ZNF526: variants seen among roughly 807,000 people sequenced by gnomAD.
ZNF526 encodes zinc finger protein 526.
In ZNF526, 16 loss-of-function variants were observed where a neutral mutation model predicts 32.4. The observed-to-expected ratio is 0.49, with a 90% CI of 0.33 to 0.75. The LOEUF is 0.75. Among genes scored for constraint, ZNF526 ranks in the 30% least tolerant of loss-of-function variants. The pLI is 0.02. For missense variants in ZNF526, 838 were observed against 920.7 expected (o/e 0.91, Z 1.16); for synonymous variants, 355 against 363.4 (o/e 0.98, Z 0.26).
chr19:42,222,082 CTTTT>C, intron 1 of ZNF526, among the ~76,000 whole-genome samples: 1 of 141,660 alleles, frequency 7.1e-6, no homozygotes, highest in South Asian at 2.3e-4. Context: ...ATATGAGCAA[CTTTT>C]TTTTTTTTTT....
rs199767292 is a variant in ZNF526 at position 42,225,467 on chromosome 19, G to A, written c.1064G>A (p.Arg355His). ...ASLEQHLRLH[R>H]GEARYLCVDC... ...CTTGAGCAGCACTTGCGGCTGCATC[G>A]CGGGGAAGCCCGCTACCTCTGTGTA... Residue 355 changes from arginine (R) to histidine (H), a missense_variant, in exon 3 of 3, where the codon CGC (arginine) becomes CAC (histidine). Arg to His is a conservative substitution (Grantham distance 29). Transcript: ENST00000301215. The A allele has an allele frequency of 8.1e-6, 13 of 1,614,088 alleles. No individual in the cohort carries two copies. The East Asian group carries it at 8.9e-5, about 11-fold the overall frequency.
chr19:42,226,139 G>C lies in ZNF526; in HGVS notation c.1736G>C (p.Gly579Ala), dbSNP rs533430598. The C allele has an allele frequency of 1.2e-6, 2 of 1,606,642 alleles. No individual in the cohort carries two copies. Among genetic ancestry groups the C allele is most frequent in the Admixed American group, 3.3e-5 (2 of 60,032 alleles). Residue 579 changes from glycine to alanine, a missense_variant, in exon 3 of 3, where the codon GGC (glycine) becomes GCC (alanine). Transcript: ENST00000301215. The stretch of plus-strand genomic sequence containing the variant: ...AGTCCCTACTACTGCGGGACTTGTG[G>C]CCGCTGGTTCCGCGCCATGGCGGGC... ...NKSPYYCGTCGRWFRAMAGLR... is the reference protein window; with the variant it reads ...NKSPYYCGTCARWFRAMAGLR...
At chr19:42,224,103 G>T in intron 1 of ZNF526, 112 bp from the exon 2 acceptor site, 1 of 380,424 alleles carries the variant, frequency 2.6e-6, no homozygotes, top group Non-Finnish European at 5.0e-6. Context: ...AGGTTGCAGT[G>T]AGCCAAGATT....
In ZNF526 at chr19:42,224,437, C is replaced by A; in HGVS notation, c.34C>A (p.Pro12Thr). 1 of 1,614,154 alleles carries A rather than the reference C, an allele frequency of 6.2e-7. No homozygotes were observed. The highest frequency in any genetic ancestry group is 8.5e-7 in the Non-Finnish European group (1 of 1,180,034). ...AEVVAEVAEM[P>T]TQMSPGAVEM... ...GGTGGTGGCTGAGGTGGCCGAGATG[C>A]CAACACAGATGTCACCAGGGGCAGT... is the stretch of plus-strand genomic sequence containing the variant. Residue 12 changes from proline to threonine, a missense_variant, in exon 3 of 3, where the codon CCA becomes ACA. Pro to Thr is a conservative substitution (Grantham distance 38). Coordinates refer to ENST00000301215, the MANE Select transcript of ZNF526 (RefSeq NM_133444.3).
intron 1 of ZNF526, among the ~76,000 whole-genome samples, chr19:42,222,777 A>G (rs1175826042): frequency 6.6e-6 from 1 of 152,220 alleles, no homozygotes; most frequent in South Asian, 2.1e-4. Context: ...ACAGGATACC[A>G]TAGGAACCCT....
At position 42,225,691 on chromosome 19, in the gene ZNF526, A is replaced by ACCCCACCCCCCC; in HGVS notation, c.1292_1293insACCCCCCCCCCC (p.Pro433_Pro436dup). The stretch of plus-strand genomic sequence containing the variant: ...AGCTCCCCCAGCTCCAGCGGAGCCC[A>ACCCCACCCCCCC]CCCCTCCACCACCACCCCCTGCCCC... On this transcript the variant is annotated inframe_insertion, in exon 3 of 3. Coordinates refer to ENST00000301215, the MANE Select transcript of ZNF526 (RefSeq NM_133444.3). 1 of 1,000,172 alleles carries ACCCCACCCCCCC rather than the reference A, an allele frequency of 1.0e-6. No individual in the cohort carries two copies. Among genetic ancestry groups the ACCCCACCCCCCC allele is most frequent in the Non-Finnish European group, 1.4e-6 (1 of 707,370 alleles). 62.0% of individuals were successfully genotyped at this position (1,000,172 alleles called of 1,614,324 possible).
At chr19:42,223,658 A>C (rs2036143114) in intron 1 of ZNF526, among the ~76,000 whole-genome samples, 1 of 151,542 alleles carries the variant, frequency 6.6e-6, no homozygotes, top group South Asian at 2.1e-4. Flanking sequence ...ACAACAAAAA[A>C]ATACAAAAAT....
chr19:42,224,952 G>T lies in ZNF526; in HGVS notation c.549G>T (p.Leu183=). ...CTCCTTTGCCTCCCCCAACACCACT[G>T]CCTCCACCTTCTCCCCCATCCGAAG... ...VPPPLPPPTP[L]PPPSPPSEVK... The change falls in exon 3 of 3, where the codon CTG becomes CTT. Residue 183 remains leucine (L), a synonymous_variant. Coordinates refer to ENST00000301215, the MANE Select transcript of ZNF526 (RefSeq NM_133444.3). 6.2e-7 allele frequency: 1 copy of T among 1,614,144 alleles called. No homozygotes were observed. The highest frequency in any genetic ancestry group is 1.1e-5 in the South Asian group (1 of 91,078).
At position 42,227,678 on chromosome 19, in the gene ZNF526, G is replaced by A. The variant is rs2036193160; in HGVS notation, c.*1262G>A. 6.6e-6 allele frequency: 1 copy of A among 152,158 alleles called. No individual in the cohort carries two copies. The highest frequency in any genetic ancestry group is 1.5e-5 in the Non-Finnish European group (1 of 68,024). The allele number at this position is 152,158 out of a possible 1,614,324, so 9.4% of individuals were successfully genotyped here. On this transcript the variant is annotated 3_prime_UTR_variant, in exon 3 of 3. Coordinates refer to ENST00000301215, the MANE Select transcript of ZNF526 (RefSeq NM_133444.3). ...GGAGGCTGAGGCAGGAGAATGGCGT[G>A]AACCCGGGAGGCGGAGCTTGCAGTG...
intron 2 of ZNF526, 31 bp downstream of exon 2, chr19:42,224,336 C>T: frequency 7.2e-7 from 1 of 1,391,442 alleles, no homozygotes; most frequent in Non-Finnish European, 1.0e-6. Flanking sequence ...GAGAATTCCA[C>T]CTCCCCTTGG....
At position 42,225,914 on chromosome 19, in the gene ZNF526, CAT is replaced by C. The variant is rs754536246; in HGVS notation, c.1512_1513del (p.Cys505TrpfsTer131). 8 of 1,614,190 alleles carry C rather than the reference CAT, an allele frequency of 5.0e-6. No individual in the cohort carries two copies. Among genetic ancestry groups the C allele is most frequent in the South Asian group, 1.1e-5 (1 of 91,088 alleles). The stretch of plus-strand genomic sequence containing the variant: ...GGTGAGAGGCCCTTCCAGTGCCACT[CAT>C]GTGGCAAGACCTTTGCTTCTTTGGC... On this transcript the variant is annotated frameshift_variant, in exon 3 of 3. Transcript: ENST00000301215. LOFTEE classifies it high-confidence loss of function.
Position 42,225,844 on chromosome 19 carries a change from T to A in ZNF526, c.1441T>A (p.Phe481Ile), listed in dbSNP as rs1191842742. ...RHRCGVCGKG[F>I]KKLIHVRNHL... ...CCGCTGTGGGGTTTGTGGCAAGGGC[T>A]TCAAGAAGCTGATCCACGTGCGCAA... The change falls in exon 3 of 3, where the codon TTC becomes ATC. Residue 481 changes from phenylalanine to isoleucine, a missense_variant. By Grantham distance (21) the Phe-to-Ile change is conservative (BLOSUM62 0). Coordinates refer to ENST00000301215, the MANE Select transcript of ZNF526 (RefSeq NM_133444.3). The A allele has an allele frequency of 6.2e-7, 1 of 1,614,082 alleles. No individual in the cohort carries two copies. Among genetic ancestry groups the A allele is most frequent in the Non-Finnish European group, 8.5e-7 (1 of 1,180,016 alleles).
chr19:42,220,871 C>T (rs1490723440), intron 1 of ZNF526, among the ~76,000 whole-genome samples: 1 of 152,190 alleles, frequency 6.6e-6, no homozygotes, highest in Non-Finnish European at 1.5e-5. Context: ...GCAGCAGGCA[C>T]TGGGCCTCGC....
intron 1 of ZNF526, among the ~76,000 whole-genome samples, chr19:42,221,464 C>A (rs1337793059): frequency 2.0e-5 from 3 of 152,062 alleles, no homozygotes; most frequent in African/African-American, 7.2e-5. Flanking sequence ...GAAACCCCAT[C>A]TCTACTAAAA....
At chr19:42,221,384 G>A (rs1294067736) in intron 1 of ZNF526, among the ~76,000 whole-genome samples, 1 of 152,158 alleles carries the variant, frequency 6.6e-6, no homozygotes, top group Non-Finnish European at 1.5e-5. Flanking sequence ...TGTAATCCCA[G>A]CACTTTGGGA....
Position 42,225,521 on chromosome 19 carries a change from T to A in ZNF526, c.1118T>A (p.Leu373His). The change falls in exon 3 of 3, where the codon CTC (leucine) becomes CAC (histidine). Residue 373 changes from leucine to histidine, a missense_variant. By Grantham distance (99) the Leu-to-His change is moderately conservative. Transcript: ENST00000301215. ...VDCGRGFGTELTLVAHRRAHT... is the reference protein window; with the variant it reads ...VDCGRGFGTEHTLVAHRRAHT... The stretch of plus-strand genomic sequence containing the variant: ...TGTGGCCGCGGCTTTGGCACAGAAC[T>A]CACGTTGGTGGCTCACCGGCGGGCC... The A allele has an allele frequency of 6.2e-7, 1 of 1,612,540 alleles. No individual in the cohort carries two copies. Among genetic ancestry groups the A allele is most frequent in the South Asian group, 1.1e-5 (1 of 91,064 alleles).
rs912956396 is a variant in ZNF526, at chr19:42,226,889, A to G, written c.*473A>G. The G allele has an allele frequency of 2.0e-5, 5 of 253,050 alleles. No homozygotes were observed. Among genetic ancestry groups the G allele is most frequent in the Admixed American group, 5.1e-5 (1 of 19,554 alleles). 15.7% of individuals were successfully genotyped at this position (253,050 alleles called of 1,614,324 possible). Reference sequence around the variant, plus strand: ...TACTTGATTTCTCTGGGCTTCCTTCATCTCAATTCTGACAGTGTGGAAGGA... The same window carrying G: ...TACTTGATTTCTCTGGGCTTCCTTCGTCTCAATTCTGACAGTGTGGAAGGA... On this transcript the variant is annotated 3_prime_UTR_variant, in exon 3 of 3. Transcript: ENST00000301215.
In ZNF526 at chr19:42,224,884, G is replaced by A. The variant is rs1293855027; in HGVS notation, c.481G>A (p.Ala161Thr). 1.9e-6 allele frequency: 3 copies of A among 1,613,862 alleles called. No homozygotes were observed. Among genetic ancestry groups the A allele is most frequent in the African/African-American group, 2.7e-5 (2 of 74,856 alleles). The change falls in exon 3 of 3, where the codon GCC becomes ACC. Residue 161 changes from alanine (A) to threonine (T), a missense_variant. Physicochemically the swap from Ala to Thr is moderately conservative, Grantham distance 58. Coordinates refer to ENST00000301215, the MANE Select transcript of ZNF526 (RefSeq NM_133444.3). ...CGAGCTGTGGGTGGCTCATCGAAAGGCCCAGCACCTTTCTGCTACGGTAGC... is the reference window on the plus strand; with the variant it reads ...CGAGCTGTGGGTGGCTCATCGAAAGACCCAGCACCTTTCTGCTACGGTAGC... ...SPELWVAHRK[A>T]QHLSATVAEP... is the part of the protein sequence containing the mutation.
At chr19:42,223,809 C>A (rs1443757249) in intron 1 of ZNF526, among the ~76,000 whole-genome samples, 27 of 122,644 alleles carry the variant, frequency 2.2e-4, no homozygotes, top group Non-Finnish European at 4.1e-4. Context: ...GAGCAAGAGT[C>A]CATCTCAAAA....
Sources: gnomAD v4.1 joint callset for allele counts (sites outside exome capture counted in the v4.1 genomes callset) on GRCh38, gnomAD v4.1.1 for gene constraint, MANE v1.5 for transcripts, NCBI Gene and HGNC (gene_info 2026-07-23, HGNC 2026-07-21) for gene names.